Variants in TRIP4 observed in about 807,000 individuals in gnomAD.
TRIP4 encodes the protein thyroid hormone receptor interactor 4.
Under a neutral mutation model 81.8 loss-of-function variants are expected in TRIP4, and 54 were observed. The observed-to-expected ratio is 0.66, with a 90% confidence interval of 0.53 to 0.83. TRIP4 has a LOEUF of 0.83. Among genes scored for constraint, TRIP4 ranks in the 40% least tolerant of loss-of-function variants. The pLI, the probability that TRIP4 is intolerant of heterozygous loss-of-function variation, is 0.00. For missense variants in TRIP4, 662 were observed against 683.6 expected (o/e 0.97, Z 0.35); for synonymous variants, 270 against 242.8 (o/e 1.11, Z -1.04).
chr15:64,435,908 C>T (rs930689697), intron 11 of TRIP4, among the ~76,000 whole-genome samples: 15 of 91,678 alleles, frequency 1.6e-4, no homozygotes, highest in Admixed American at 1.1e-4. Context: ...AAAAAAAAAA[C>T]CTGAAGAAAG....
At position 64,388,210 on chromosome 15, in the gene TRIP4, A is replaced by G. The variant is rs78434140; in HGVS notation, c.101+246A>G. ...AGACGCCCAATCTGTAATAATTAGA[A>G]ATGCAAGGCTGTCCCAGGAGCCAGT... On this transcript the variant is annotated intron_variant, in intron 1 of 12. Coordinates refer to ENST00000261884, the MANE Select transcript of TRIP4 (RefSeq NM_016213.5). 8.0e-3 allele frequency among the ~76,000 whole-genome samples: 1,216 copies of G among 152,244 alleles called. 14 individuals are homozygous for G. The highest frequency in any genetic ancestry group is 0.028 in the African/African-American group (1,144 of 41,540).
intron 12 of TRIP4, among the ~76,000 whole-genome samples, chr15:64,453,669 T>C (rs1026100433): frequency 2.0e-5 from 3 of 152,190 alleles, no homozygotes; most frequent in African/African-American, 7.2e-5. Flanking sequence ...TTAGTGATGG[T>C]TTCTGAGGAA....
chr15:64,406,785 T>G (rs970784253), intron 6 of TRIP4, among the ~76,000 whole-genome samples: 1 of 152,218 alleles, frequency 6.6e-6, no homozygotes, highest in Non-Finnish European at 1.5e-5. Context: ...TTAGAGTACG[T>G]GTTATTTGCA....
At chr15:64,405,162 T>C (rs1891595412) in intron 5 of TRIP4, among the ~76,000 whole-genome samples, 3 of 151,634 alleles carry the variant, frequency 2.0e-5, no homozygotes, top group African/African-American at 7.3e-5. Flanking sequence ...TCTTTTCTTT[T>C]TTTTTTTTTT....
chr15:64,425,732 G>A, intron 11 of TRIP4, 101 bp downstream of exon 11: 1 of 841,536 alleles, frequency 1.2e-6, no homozygotes, highest in African/African-American at 1.7e-5. Context: ...TAAAAGTGCT[G>A]GGATTATAGG....
chr15:64,396,947 T>C (rs1242208717), intron 3 of TRIP4, among the ~76,000 whole-genome samples: 1 of 152,262 alleles, frequency 6.6e-6, no homozygotes, highest in Non-Finnish European at 1.5e-5. Context: ...TGGTTGGTAT[T>C]TAGTGGTATT....
rs1461642720 is a variant in TRIP4, at chr15:64,407,333, A to G, written c.827+874A>G. Among the ~76,000 whole-genome samples, 4 of 152,186 alleles carry G rather than the reference A, an allele frequency of 2.6e-5. No individual in the cohort carries two copies. The East Asian group carries it at 5.8e-4, about 22-fold the overall frequency. On this transcript the variant is annotated intron_variant, in intron 6 of 12. Coordinates refer to ENST00000261884, the MANE Select transcript of TRIP4 (RefSeq NM_016213.5). ...ACTCATATTCACTCTTCATCCTTTC[A>G]GTATCACATTTCACCCTACTCAGTA...
At chr15:64,441,709 C>T (rs1892522033) in intron 11 of TRIP4, among the ~76,000 whole-genome samples, 1 of 151,980 alleles carries the variant, frequency 6.6e-6, no homozygotes, top group South Asian at 2.1e-4. Context: ...GGAGATGGAG[C>T]TTGCAGTGAG....
intron 2 of TRIP4, among the ~76,000 whole-genome samples, chr15:64,394,387 C>T (rs930129136): frequency 3.3e-5 from 5 of 152,024 alleles, no homozygotes; most frequent in African/African-American, 7.2e-5. Context: ...GGGCGGATCA[C>T]GTGGTCAGGA....
rs1891718514 is a variant in TRIP4 at position 64,409,756 on chromosome 15, A to G, written c.971A>G (p.Lys324Arg). ...RELRHASRLSKKVTIDFAGRK... is the reference protein window; with the variant it reads ...RELRHASRLSRKVTIDFAGRK... ...CTTCGACACGCCTCTCGACTTTCTA[A>G]GAAGGTCACCATTGACTTTGCAGGA... The change falls in exon 7 of 13, where the codon AAG (lysine) becomes AGG (arginine). Residue 324 changes from lysine to arginine, a missense_variant. Lys to Arg is a conservative substitution (Grantham distance 26). Transcript: ENST00000261884. 4 of 1,614,188 alleles carry G rather than the reference A, an allele frequency of 2.5e-6. No individual in the cohort carries two copies. The South Asian group carries it at 4.4e-5, about 18-fold the overall frequency.
intron 11 of TRIP4, among the ~76,000 whole-genome samples, chr15:64,439,074 C>T (rs1892461855): frequency 6.6e-6 from 1 of 152,170 alleles, no homozygotes; most frequent in African/African-American, 2.4e-5. Flanking sequence ...GATCTTTATT[C>T]AACCCTAGTC....
intron 11 of TRIP4, among the ~76,000 whole-genome samples, chr15:64,427,008 G>GA (rs911308500): frequency 5.0e-4 from 74 of 146,558 alleles, no homozygotes; most frequent in Admixed American, 3.7e-3. Flanking sequence ...TCAAAAAAAA[G>GA]AAAAAAAAAA....
chr15:64,439,259 C>T (rs747002806), intron 11 of TRIP4, among the ~76,000 whole-genome samples: 12 of 152,078 alleles, frequency 7.9e-5, no homozygotes, highest in Non-Finnish European at 1.5e-4. Flanking sequence ...CAGTTGCTTG[C>T]GGGATATGCT....
intron 12 of TRIP4, among the ~76,000 whole-genome samples, chr15:64,454,705 A>G (rs532862675): frequency 1.3e-5 from 2 of 152,216 alleles, no homozygotes; most frequent in East Asian, 3.9e-4. Flanking sequence ...GTAGCATCAA[A>G]CCCCTTAAAA....
chr15:64,452,406 A>AAT (rs763905136), intron 12 of TRIP4, among the ~76,000 whole-genome samples: 2 of 152,214 alleles, frequency 1.3e-5, no homozygotes, highest in African/African-American at 4.8e-5. Flanking sequence ...TTAACCAGTA[A>AAT]ATATATATAA....
chr15:64,400,178 GATGCCTATA>G (rs1356338642), intron 4 of TRIP4, among the ~76,000 whole-genome samples: 3 of 151,316 alleles, frequency 2.0e-5, no homozygotes, highest in Non-Finnish European at 4.4e-5. Flanking sequence ...TATGGTGGCT[GATGCCTATA>G]ATCCCATTGC....
intron 11 of TRIP4, among the ~76,000 whole-genome samples, chr15:64,436,048 A>G (rs1028102888): frequency 6.6e-6 from 1 of 152,086 alleles, no homozygotes; most frequent in African/African-American, 2.4e-5. Context: ...TAATCCCAGC[A>G]TTTTGGGAGG....
At chr15:64,449,271 GTTTTTTTTGTTTGTTTTTGTTTT>G (rs1005538125) in intron 12 of TRIP4, among the ~76,000 whole-genome samples, 4 of 148,170 alleles carry the variant, frequency 2.7e-5, no homozygotes, top group Admixed American at 2.7e-4. Context: ...TTAAATGTTT[GTTTTTTTTGTTTGTTTTTGTTTT>G]TTTTTTTTGT....
intron 11 of TRIP4, among the ~76,000 whole-genome samples, chr15:64,438,778 G>A (rs1892455563): frequency 6.6e-6 from 1 of 152,196 alleles, no homozygotes; most frequent in South Asian, 2.1e-4. Context: ...TTTATGTGGA[G>A]GTTCTAGCAT....
Sources: allele counts gnomAD v4.1 joint callset (sites outside exome capture counted in the v4.1 genomes callset), GRCh38; gene constraint gnomAD v4.1.1; transcripts MANE v1.5; gene names NCBI Gene and HGNC (gene_info 2026-07-23, HGNC 2026-07-21).